The following KCNK13 variants were observed in gnomAD, a reference collection of about 807,000 sequenced individuals.
KCNK13 encodes the protein potassium two pore domain channel subfamily K member 13.
A neutral mutation model predicts 23.4 loss-of-function variants in KCNK13; 12 were observed. That is an observed-to-expected ratio of 0.51 (90% CI 0.33 to 0.83). The LOEUF (loss-of-function observed/expected upper bound fraction) is 0.83. Ranked by LOEUF, KCNK13 falls within the 40% of genes least tolerant of loss-of-function variation. The pLI is 0.02. For missense variants in KCNK13, 463 were observed against 556.3 expected (o/e 0.83, Z 1.69); for synonymous variants, 231 against 229.5 (o/e 1.01, Z -0.06).
chr14:90,094,837 C>T lies in KCNK13; in HGVS notation c.334+32298C>T, dbSNP rs551249500. Among the ~76,000 whole-genome samples, 117 of 151,900 alleles carry T rather than the reference C, an allele frequency of 7.7e-4. 1 individual carries two copies. The highest frequency in any genetic ancestry group is 2.3e-3 in the African/African-American group (97 of 41,452). On this transcript the variant is annotated intron_variant, in intron 1 of 1. Transcript: ENST00000282146. ...TAATTGTTTGTATTATTAGTAGAGA[C>T]GGGGTTTCACCGTGTCAGCCAGGAT...
intron 1 of KCNK13, among the ~76,000 whole-genome samples, chr14:90,136,596 T>A (rs1889939249): frequency 6.6e-6 from 1 of 152,210 alleles, no homozygotes. Context: ...ATAGTTATTA[T>A]TACAAGACAG....
chr14:90,074,203 C>T (rs753830022), intron 1 of KCNK13, among the ~76,000 whole-genome samples: 1 of 152,116 alleles, frequency 6.6e-6, no homozygotes, highest in Non-Finnish European at 1.5e-5. Flanking sequence ...CTCCTGACCT[C>T]GTGATCCACC....
At chr14:90,082,924 T>C (rs984652879) in intron 1 of KCNK13, among the ~76,000 whole-genome samples, 2 of 152,216 alleles carry the variant, frequency 1.3e-5, no homozygotes, top group African/African-American at 4.8e-5. Flanking sequence ...GGTTCCAATT[T>C]CTCCACACCC....
At chr14:90,101,625 C>T (rs1293466081) in intron 1 of KCNK13, among the ~76,000 whole-genome samples, 1 of 151,266 alleles carries the variant, frequency 6.6e-6, no homozygotes, top group African/African-American at 2.4e-5. Flanking sequence ...CCCATCTCTA[C>T]TAAAATACAA....
Position 90,175,033 on chromosome 14 carries a change from A to C in KCNK13, c.335-9078A>C, listed in dbSNP as rs568976224. ...CAGCTCCCCCTTATCTGAGATGTAC[A>C]TGACAGTGGATCCATTTGGTGGGGG... On this transcript the variant is annotated intron_variant, in intron 1 of 1. Transcript: ENST00000282146. Among the ~76,000 whole-genome samples, 122 of 152,292 alleles carry C rather than the reference A, an allele frequency of 8.0e-4. 1 individual carries two copies. The highest frequency in any genetic ancestry group is 7.1e-3 in the Admixed American group (108 of 15,296).
Position 90,062,637 on chromosome 14 carries a change from G to A in KCNK13, c.334+98G>A. The A allele has an allele frequency of 4.2e-6, 4 of 956,644 alleles. No individual in the cohort carries two copies. Among genetic ancestry groups the A allele is most frequent in the Non-Finnish European group, 6.0e-6 (4 of 669,252 alleles). 59.3% of individuals were successfully genotyped at this position (956,644 alleles called of 1,614,324 possible). On this transcript the variant is annotated intron_variant, in intron 1 of 1. Transcript: ENST00000282146. This position sits in a 1 kb window ranked among gnomAD's most constrained non-coding sequence, Gnocchi z 4.5. ...TCTCATCCTTTCATTCATCCATCTGGGCGCCCAGCCAGACTCCACTGACAT... is the reference window on the plus strand; with the variant it reads ...TCTCATCCTTTCATTCATCCATCTGAGCGCCCAGCCAGACTCCACTGACAT...
rs574690007 is a variant in KCNK13 at position 90,145,922 on chromosome 14, G to A, written c.335-38189G>A. ...GGGTGGGGAGGTGCCGAGGTAGGAG[G>A]ATCACTTGAGCTCAGAAGGCCAAGG... On this transcript the variant is annotated intron_variant, in intron 1 of 1. Coordinates refer to ENST00000282146, the MANE Select transcript of KCNK13 (RefSeq NM_022054.4). 8.5e-5 allele frequency among the ~76,000 whole-genome samples: 13 copies of A among 152,118 alleles called. No homozygotes were observed. In the South Asian group the frequency reaches 1.0e-3, roughly 12 times the overall value.
At chr14:90,085,314 G>A (rs1394435501) in intron 1 of KCNK13, among the ~76,000 whole-genome samples, 1 of 151,930 alleles carries the variant, frequency 6.6e-6, no homozygotes. Flanking sequence ...TTTTTAATAT[G>A]TTGCTGCATT....
intron 1 of KCNK13, among the ~76,000 whole-genome samples, chr14:90,095,970 C>T (rs1889405580): frequency 1.3e-5 from 2 of 152,062 alleles, no homozygotes; most frequent in Non-Finnish European, 1.5e-5. Context: ...CAGGGAAACA[C>T]TTAGGTTTAC....
intron 1 of KCNK13, among the ~76,000 whole-genome samples, chr14:90,160,889 T>TCC (rs1397184073): frequency 6.6e-6 from 1 of 151,820 alleles, no homozygotes; most frequent in Non-Finnish European, 1.5e-5. Context: ...GTAATACCTT[T>TCC]CCCCTGCTAT....
intron 1 of KCNK13, among the ~76,000 whole-genome samples, chr14:90,069,083 C>T (rs1889043653): frequency 2.3e-5 from 3 of 128,088 alleles, no homozygotes; most frequent in Non-Finnish European, 4.6e-5. Flanking sequence ...GTCACTGAGG[C>T]TAGAGTGCAG....
At chr14:90,115,716 G>A (rs115044823) in intron 1 of KCNK13, among the ~76,000 whole-genome samples, 1 of 152,292 alleles carries the variant, frequency 6.6e-6, no homozygotes, top group African/African-American at 2.4e-5. Context: ...AAAAAAACAG[G>A]CAACAGGCCG....
intron 1 of KCNK13, among the ~76,000 whole-genome samples, chr14:90,071,946 A>G (rs936073570): frequency 6.6e-6 from 1 of 151,922 alleles, no homozygotes; most frequent in Admixed American, 6.6e-5. Flanking sequence ...GATGGTGATC[A>G]TTAATTAAAG....
intron 1 of KCNK13, among the ~76,000 whole-genome samples, chr14:90,118,805 G>A (rs1323959815): frequency 6.6e-6 from 1 of 152,046 alleles, no homozygotes; most frequent in Non-Finnish European, 1.5e-5. Context: ...CTGAACTGGA[G>A]GAAAGTAGAG....
chr14:90,140,739 G>T (rs76159383), intron 1 of KCNK13, among the ~76,000 whole-genome samples: 1 of 152,220 alleles, frequency 6.6e-6, no homozygotes, highest in African/African-American at 2.4e-5. Context: ...AAATGTGCCT[G>T]TGACTTCTGT....
At chr14:90,120,976 T>C (rs1206604131) in intron 1 of KCNK13, among the ~76,000 whole-genome samples, 1 of 152,144 alleles carries the variant, frequency 6.6e-6, no homozygotes, top group Non-Finnish European at 1.5e-5. Context: ...CATTGCAGTC[T>C]GTAGCTTGGG....
At position 90,139,470 on chromosome 14, in the gene KCNK13, A is replaced by G. The variant is rs1292348871; in HGVS notation, c.335-44641A>G. ...CTGGGGGTGAGGCAAGACTTCGAGCATGCGGGGGCCCTGTAAGGCAGTGAG... is the reference window on the plus strand; with the variant it reads ...CTGGGGGTGAGGCAAGACTTCGAGCGTGCGGGGGCCCTGTAAGGCAGTGAG... On this transcript the variant is annotated intron_variant, in intron 1 of 1. Transcript: ENST00000282146. Among the ~76,000 whole-genome samples, 6 of 612 alleles carry G rather than the reference A, an allele frequency of 9.8e-3. No individual in the cohort carries two copies. In the South Asian group the frequency reaches 0.42, roughly 43 times the overall value. The allele number at this position is 612 out of a possible 152,430, so 0.4% of individuals were successfully genotyped here. A position where few individuals can be genotyped will look rare whatever the true frequency, so the allele number is the denominator to read the frequency against.
intron 1 of KCNK13, among the ~76,000 whole-genome samples, chr14:90,073,394 G>A (rs1037826741): frequency 3.9e-5 from 6 of 152,102 alleles, no homozygotes; most frequent in South Asian, 2.1e-4. Flanking sequence ...AGGGGTACCC[G>A]CCCCCAGGAC....
At chr14:90,100,310 C>T (rs1889460032) in intron 1 of KCNK13, among the ~76,000 whole-genome samples, 1 of 152,164 alleles carries the variant, frequency 6.6e-6, no homozygotes, top group Non-Finnish European at 1.5e-5. Flanking sequence ...ATTTTGGTGA[C>T]CTATTTATCA....
Sources: gnomAD v4.1 joint callset for allele counts (sites outside exome capture counted in the v4.1 genomes callset) on GRCh38, gnomAD v4.1.1 for gene constraint, Gnocchi (gnomAD v3.1) non-coding constraint, MANE v1.5 for transcripts, NCBI Gene and HGNC (gene_info 2026-07-23, HGNC 2026-07-21) for gene names.